Variants in CNNM4 observed in about 807,000 individuals in gnomAD.
CNNM4 encodes cyclin and CBS domain divalent metal cation transport mediator 4, also known as metal transporter CNNM4.
CNNM4 carries 32 observed loss-of-function variants against 53.7 expected under a neutral mutation model. The observed-to-expected ratio is 0.60, with a 90% CI of 0.45 to 0.80. The LOEUF is 0.80. Ranked by LOEUF, CNNM4 falls within the 30% of genes least tolerant of loss-of-function variation. The pLI is 0.00. For missense variants in CNNM4, 784 were observed against 1,022.0 expected, an observed-to-expected ratio of 0.77 and a Z score of 3.17; for synonymous variants, 410 against 440.0, an observed-to-expected ratio of 0.93 and a Z score of 0.85.
intron 1 of CNNM4, among the ~76,000 whole-genome samples, chr2:96,776,036 T>G (rs888091329): frequency 1.3e-5 from 2 of 149,888 alleles, no homozygotes; most frequent in Non-Finnish European, 3.0e-5. Context: ...GGTTTTTTTT[T>G]TTTTTTTTTT....
chr2:96,781,281 A>T (rs2078973658), intron 1 of CNNM4, among the ~76,000 whole-genome samples: 1 of 150,704 alleles, frequency 6.6e-6, no homozygotes, highest in African/African-American at 2.5e-5. Context: ...GCCCGGCCTG[A>T]TCTCGAACTC....
chr2:96,792,205 C>G (rs1227543528), intron 1 of CNNM4, among the ~76,000 whole-genome samples: 1 of 146,370 alleles, frequency 6.8e-6, no homozygotes, highest in Non-Finnish European at 1.5e-5. Context: ...GAGATCACGC[C>G]ACTGCACTCC....
At chr2:96,769,044 G>A (rs1319644669) in intron 1 of CNNM4, among the ~76,000 whole-genome samples, 1 of 152,186 alleles carries the variant, frequency 6.6e-6, no homozygotes, top group African/African-American at 2.4e-5. Context: ...GAGGTCAGGA[G>A]ATCGAGACCA....
At chr2:96,794,478 G>A (rs998655095) in intron 1 of CNNM4, among the ~76,000 whole-genome samples, 1 of 152,094 alleles carries the variant, frequency 6.6e-6, no homozygotes, top group African/African-American at 2.4e-5. Flanking sequence ...ATTCTGTTCC[G>A]TGACTTGCTC....
chr2:96,761,568 C>T lies in CNNM4; in HGVS notation c.569C>T (p.Thr190Met). ...CTCTGGCTGCACATTCTCCTAATTA[C>T]GGTGCTGCTGGTGCTGTCGGGCATA... ...LPLWLHILLI[T>M]VLLVLSGIFS... Residue 190 changes from threonine to methionine, a missense_variant, in exon 1 of 7, where the codon ACG (threonine) becomes ATG (methionine). This residue lies in a region of CNNM4 where 473 missense variants were observed against 624.6 expected (regional missense o/e 0.76). Transcript: ENST00000377075. This position sits in a 1 kb window ranked among gnomAD's most constrained non-coding sequence, Gnocchi z 6.0. The T allele has an allele frequency of 1.2e-6, 2 of 1,614,148 alleles. No homozygotes were observed. The highest frequency in any genetic ancestry group is 2.2e-5 in the East Asian group (1 of 44,870).
intron 5 of CNNM4, among the ~76,000 whole-genome samples, chr2:96,806,535 A>ACGCG (rs1553479692): frequency 0.014 from 1,681 of 123,914 alleles, 20 homozygotes; most frequent in Non-Finnish European, 0.018. Context: ...ACACACACAC[A>ACGCG]CGCGCGCGCG....
At position 96,762,012 on chromosome 2, in the gene CNNM4, G is replaced by A; in HGVS notation, c.1013G>A (p.Arg338Gln). The change falls in exon 1 of 7, where the codon CGG becomes CAG. Residue 338 changes from arginine to glutamine, a missense_variant. This residue lies in a region of CNNM4 where 473 missense variants were observed against 624.6 expected (regional missense o/e 0.76). Coordinates refer to ENST00000377075, the MANE Select transcript of CNNM4 (RefSeq NM_020184.4). ...CAGGAGATTCGCACTGTTTACAACC[G>A]GGAGAAGCTGATGGAGATGTTGAAG... Reference protein sequence around the residue: ...LGQEIRTVYNREKLMEMLKVT... With the variant: ...LGQEIRTVYNQEKLMEMLKVT... 6.2e-7 allele frequency: 1 copy of A among 1,614,122 alleles called. No homozygotes were observed. The highest frequency in any genetic ancestry group is 8.5e-7 in the Non-Finnish European group (1 of 1,180,030).
intron 1 of CNNM4, among the ~76,000 whole-genome samples, chr2:96,789,087 C>A (rs1265606973): frequency 6.6e-6 from 1 of 152,136 alleles, no homozygotes; most frequent in Non-Finnish European, 1.5e-5. Context: ...TGTGGAGCAC[C>A]TGCTGTGCTA....
chr2:96,785,537 G>C (rs1339000804), intron 1 of CNNM4, among the ~76,000 whole-genome samples: 1 of 152,000 alleles, frequency 6.6e-6, no homozygotes, highest in Admixed American at 6.6e-5. Flanking sequence ...AGGCTGAGGT[G>C]GGAGGATCAG....
intron 1 of CNNM4, among the ~76,000 whole-genome samples, chr2:96,781,561 C>T (rs754840184): frequency 4.6e-5 from 7 of 152,188 alleles, no homozygotes; most frequent in Non-Finnish European, 7.3e-5. Context: ...GAGGCTTTGT[C>T]GGTCCTAGAG....
intron 1 of CNNM4, among the ~76,000 whole-genome samples, chr2:96,784,334 A>C (rs1027226034): frequency 1.1e-4 from 16 of 152,218 alleles, no homozygotes; most frequent in Non-Finnish European, 2.4e-4. Flanking sequence ...TTTCAGGTAA[A>C]ATGTATACAT....
At position 96,801,088 on chromosome 2, in the gene CNNM4, C is replaced by G. The variant is rs1287299004; in HGVS notation, c.1948+1440C>G. ...TTGCTCCAGTGCCTTCAGTCCAGGT[C>G]GGGTGTCCGCCTGGCAAGCGGAACT... is the stretch of plus-strand genomic sequence containing the variant. On this transcript the variant is annotated intron_variant, in intron 5 of 6. Coordinates refer to ENST00000377075, the MANE Select transcript of CNNM4 (RefSeq NM_020184.4). This position sits in a 1 kb window ranked among gnomAD's most constrained non-coding sequence, Gnocchi z 5.6. The G allele has an allele frequency of 7.1e-6, 7 of 985,290 alleles. No homozygotes were observed. The African/African-American group carries it at 1.2e-4, about 17-fold the overall frequency. 61.0% of individuals were successfully genotyped at this position (985,290 alleles called of 1,614,324 possible). A position where few individuals can be genotyped will look rare whatever the true frequency, so the allele number is the denominator to read the frequency against.
At position 96,797,766 on chromosome 2, in the gene CNNM4, C is replaced by T; in HGVS notation, c.1681+119C>T. ...CTGCAGCAGGTGAGGGGTGCAGAGA[C>T]AACACAGCCACCCCTGGAAGGGGCC... is the stretch of plus-strand genomic sequence containing the variant. On this transcript the variant is annotated intron_variant, in intron 3 of 6. Coordinates refer to ENST00000377075, the MANE Select transcript of CNNM4 (RefSeq NM_020184.4). This position sits in a 1 kb window ranked among gnomAD's most constrained non-coding sequence, Gnocchi z 6.0. 2 of 1,354,216 alleles carry T rather than the reference C, an allele frequency of 1.5e-6. No individual in the cohort carries two copies. Among genetic ancestry groups the T allele is most frequent in the South Asian group, 1.2e-5 (1 of 81,380 alleles). The allele number at this position is 1,354,216 out of a possible 1,614,324, so 83.9% of individuals were successfully genotyped here.
chr2:96,802,819 G>C (rs925875032), intron 5 of CNNM4, among the ~76,000 whole-genome samples: 6 of 152,162 alleles, frequency 3.9e-5, no homozygotes, highest in Non-Finnish European at 5.9e-5. Flanking sequence ...ATGCCTGTCC[G>C]GGGAGTCGGT....
chr2:96,806,534 C>CGCGT (rs2079209078), intron 5 of CNNM4, among the ~76,000 whole-genome samples: 1 of 116,876 alleles, frequency 8.6e-6, no homozygotes, highest in African/African-American at 3.2e-5. Context: ...CACACACACA[C>CGCGT]ACGCGCGCGC....
intron 1 of CNNM4, among the ~76,000 whole-genome samples, chr2:96,788,223 C>T (rs2079030733): frequency 6.6e-6 from 1 of 151,906 alleles, no homozygotes; most frequent in South Asian, 2.1e-4. Context: ...GTGCCCTGCC[C>T]AGTACTACAC....
chr2:96,786,754 G>A (rs924190645), intron 1 of CNNM4, among the ~76,000 whole-genome samples: 15 of 141,548 alleles, frequency 1.1e-4, no homozygotes, highest in African/African-American at 3.9e-4. Flanking sequence ...ACTCCATCCT[G>A]GGTAACAGAG....
chr2:96,790,150 G>T (rs989572503), intron 1 of CNNM4, among the ~76,000 whole-genome samples: 2 of 150,308 alleles, frequency 1.3e-5, no homozygotes, highest in Non-Finnish European at 3.0e-5. Flanking sequence ...GGGACTACAG[G>T]CGTCCACCAC....
At position 96,800,685 on chromosome 2, in the gene CNNM4, G is replaced by A. The variant is rs1348350144; in HGVS notation, c.1948+1037G>A. Among the ~76,000 whole-genome samples the A allele has an allele frequency of 3.3e-5, 5 of 152,222 alleles. No homozygotes were observed. The highest frequency in any genetic ancestry group is 9.6e-5 in the African/African-American group (4 of 41,464). ...ACTTCCTGTGCCTCCAAGAGCAGCT[G>A]TTCTCTGTTCAGTTTGAGGAAATCT... On this transcript the variant is annotated intron_variant, in intron 5 of 6. Transcript: ENST00000377075. The surrounding 1 kb of genome is among the most constrained non-coding windows in gnomAD (Gnocchi z 4.6).
Sources: gnomAD v4.1 joint callset for allele counts (sites outside exome capture counted in the v4.1 genomes callset) on GRCh38, gnomAD v4.1.1 for gene constraint, gnomAD v4.1.1 regional missense constraint, Gnocchi (gnomAD v3.1) non-coding constraint, MANE v1.5 for transcripts, NCBI Gene and HGNC (gene_info 2026-07-23, HGNC 2026-07-21) for gene names.